GRM7: variants seen among roughly 807,000 people sequenced by gnomAD.
GRM7 encodes metabotropic glutamate receptor 7.
A neutral mutation model predicts 84.5 loss-of-function variants in GRM7; 35 were observed. The observed-to-expected ratio is 0.41, with a 90% CI of 0.32 to 0.55. The LOEUF is 0.55. GRM7 is among the 20% of genes least tolerant of loss of function. GRM7 has a pLI of 0.19. For missense variants in GRM7, 1,003 were observed against 1,194.6 expected (o/e 0.84, Z 2.36); for synonymous variants, 487 against 455.1 (o/e 1.07, Z -0.89).
intron 7 of GRM7, among the ~76,000 whole-genome samples, chr3:7,511,126 C>T (rs1559370566): frequency 6.6e-6 from 1 of 152,106 alleles, no homozygotes; most frequent in Non-Finnish European, 1.5e-5. Flanking sequence ...ACTCTGATTA[C>T]CCACATCCTA....
At chr3:7,182,111 C>T (rs990159347) in intron 2 of GRM7, among the ~76,000 whole-genome samples, 1 of 151,986 alleles carries the variant, frequency 6.6e-6, no homozygotes, top group East Asian at 1.9e-4. Flanking sequence ...TTTTTTGACT[C>T]CTTTTCTCTA....
chr3:7,186,784 T>C (rs1181480197), intron 2 of GRM7, among the ~76,000 whole-genome samples: 1 of 152,222 alleles, frequency 6.6e-6, no homozygotes, highest in Non-Finnish European at 1.5e-5. Context: ...ATTTTTATCT[T>C]AATGATCCCA....
intron 1 of GRM7, among the ~76,000 whole-genome samples, chr3:6,938,903 A>G (rs982974920): frequency 6.6e-6 from 1 of 152,214 alleles, no homozygotes; most frequent in African/African-American, 2.4e-5. Context: ...ATTCCTTCTT[A>G]TTATAAAATG....
intron 9 of GRM7, among the ~76,000 whole-genome samples, chr3:7,714,509 AG>A (rs1482641697): frequency 6.6e-6 from 1 of 152,180 alleles, no homozygotes; most frequent in African/African-American, 2.4e-5. Context: ...CATTGTCACC[AG>A]GGGCTTGTTA....
chr3:7,222,608 A>T (rs767768036), intron 2 of GRM7, among the ~76,000 whole-genome samples: 1 of 152,184 alleles, frequency 6.6e-6, no homozygotes, highest in African/African-American at 2.4e-5. Flanking sequence ...ATCCCTCAGC[A>T]GAGAAACTAG....
At chr3:7,128,328 G>A (rs1228115720) in intron 1 of GRM7, among the ~76,000 whole-genome samples, 1 of 151,538 alleles carries the variant, frequency 6.6e-6, no homozygotes, top group Non-Finnish European at 1.5e-5. Context: ...ATATAAACAT[G>A]ACTCAAGTTT....
intron 1 of GRM7, among the ~76,000 whole-genome samples, chr3:7,038,602 C>G (rs553711671): frequency 3.9e-5 from 6 of 152,160 alleles, no homozygotes; most frequent in Admixed American, 6.5e-5. Context: ...GTGCTACCTA[C>G]GTGAGTCTAT....
chr3:7,611,733 C>G lies in GRM7; in HGVS notation c.2451+32376C>G, dbSNP rs79364367. Among the ~76,000 whole-genome samples, 909 of 152,174 alleles carry G rather than the reference C, an allele frequency of 6.0e-3. 28 individuals are homozygous for G. The East Asian group carries it at 0.099, about 17-fold the overall frequency. On this transcript the variant is annotated intron_variant, in intron 8 of 9. Transcript: ENST00000357716. Reference sequence around the variant, plus strand: ...AGAAATGCAGACTTTCAGGCCCCACCCAGACCTACCAGATCAGAATCTGCA... The same window carrying G: ...AGAAATGCAGACTTTCAGGCCCCACGCAGACCTACCAGATCAGAATCTGCA...
At chr3:7,238,996 C>CTTTTTTTTTTTTTT (rs567509392) in intron 2 of GRM7, among the ~76,000 whole-genome samples, 3 of 118,356 alleles carry the variant, frequency 2.5e-5, no homozygotes, top group Admixed American at 9.4e-5. Flanking sequence ...TTTCTTTTTT[C>CTTTTTTTTTTTTTT]CTTTTTCTTT....
chr3:6,887,673 G>C (rs1020209625), intron 1 of GRM7, among the ~76,000 whole-genome samples: 1 of 152,046 alleles, frequency 6.6e-6, no homozygotes, highest in Non-Finnish European at 1.5e-5. Context: ...CTATTGTGAA[G>C]AGTGCTGCAA....
At chr3:7,734,181 C>T (rs1207622114) in intron 9 of GRM7, among the ~76,000 whole-genome samples, 1 of 149,414 alleles carries the variant, frequency 6.7e-6, no homozygotes, top group Non-Finnish European at 1.5e-5. Flanking sequence ...TTTGCTGCCT[C>T]ACCATCCACT....
chr3:7,023,450 A>G (rs781565686), intron 1 of GRM7, among the ~76,000 whole-genome samples: 1 of 152,128 alleles, frequency 6.6e-6, no homozygotes, highest in Non-Finnish European at 1.5e-5. Flanking sequence ...CAGCATGCCC[A>G]GGTGCCTTGT....
chr3:7,457,450 A>T (rs1698066738), intron 6 of GRM7, among the ~76,000 whole-genome samples: 1 of 152,188 alleles, frequency 6.6e-6, no homozygotes, highest in Admixed American at 6.5e-5. Context: ...TATAAATTTA[A>T]GTAATTTGGT....
At chr3:7,066,553 A>G (rs1273980142) in intron 1 of GRM7, among the ~76,000 whole-genome samples, 1 of 151,928 alleles carries the variant, frequency 6.6e-6, no homozygotes, top group Non-Finnish European at 1.5e-5. Flanking sequence ...ACAACAAAAA[A>G]AGTCCAGGAC....
intron 1 of GRM7, among the ~76,000 whole-genome samples, chr3:7,042,003 G>A (rs1448230715): frequency 6.6e-6 from 1 of 152,190 alleles, no homozygotes; most frequent in African/African-American, 2.4e-5. Context: ...AGCACATGGA[G>A]TCTCCTGAAG....
chr3:7,273,105 T>C (rs765754643), intron 2 of GRM7, among the ~76,000 whole-genome samples: 5 of 152,122 alleles, frequency 3.3e-5, no homozygotes, highest in Admixed American at 1.3e-4. Context: ...CTTTGACCCA[T>C]GTGTTATTTG....
intron 1 of GRM7, among the ~76,000 whole-genome samples, chr3:7,115,535 G>A (rs1693001774): frequency 6.6e-6 from 1 of 152,104 alleles, no homozygotes; most frequent in Non-Finnish European, 1.5e-5. Context: ...TTTTTCTCAA[G>A]TTAAGGTCTA....
At chr3:7,483,773 A>G (rs1699219838) in intron 7 of GRM7, among the ~76,000 whole-genome samples, 1 of 152,042 alleles carries the variant, frequency 6.6e-6, no homozygotes, top group Non-Finnish European at 1.5e-5. Context: ...AGATATGATT[A>G]TGTATCTGTA....
At chr3:7,636,855 C>A (rs959615877) in intron 8 of GRM7, among the ~76,000 whole-genome samples, 1 of 152,102 alleles carries the variant, frequency 6.6e-6, no homozygotes, top group Non-Finnish European at 1.5e-5. Context: ...GTGTTGCAGA[C>A]CTGTCAGGGT....
Sources: allele counts gnomAD v4.1 joint callset (sites outside exome capture counted in the v4.1 genomes callset), GRCh38; gene constraint gnomAD v4.1.1; transcripts MANE v1.5; gene names NCBI Gene and HGNC (gene_info 2026-07-23, HGNC 2026-07-21).